Variants in KCNT2 observed in about 807,000 individuals in gnomAD.
The protein encoded by KCNT2 is potassium sodium-activated channel subfamily T member 2.
Under a neutral mutation model 153.8 loss-of-function variants are expected in KCNT2, and 67 were observed. The observed-to-expected ratio is 0.44, with a 90% CI of 0.36 to 0.53. KCNT2 has a LOEUF of 0.53. Among genes scored for constraint, KCNT2 ranks in the 20% least tolerant of loss-of-function variants. The probability of loss-of-function intolerance (pLI) is 0.00; values close to 1 mark genes in which losing one functional copy is unlikely to be tolerated. For synonymous variants in KCNT2, 500 were observed against 458.8 expected, an observed-to-expected ratio of 1.09 and a Z score of -1.15; for missense variants, 975 against 1,354.8, an observed-to-expected ratio of 0.72 and a Z score of 4.40.
chr1:196,236,401 C>T (rs192720692), intron 26 of KCNT2, among the ~76,000 whole-genome samples: 3 of 151,514 alleles, frequency 2.0e-5, no homozygotes, highest in Admixed American at 2.0e-4. Context: ...GATTATTATG[C>T]TTTATCAATT....
intron 8 of KCNT2, among the ~76,000 whole-genome samples, chr1:196,433,964 T>G (rs2148558080): frequency 6.6e-6 from 1 of 152,136 alleles, no homozygotes; most frequent in East Asian, 1.9e-4. Context: ...TATTTGCTTT[T>G]TTCCTTTTTC....
intron 1 of KCNT2, among the ~76,000 whole-genome samples, chr1:196,508,189 C>CAAAAAAAAAAAAAAAAAAAAAAAGA (rs1681305658): frequency 5.0e-5 from 3 of 59,986 alleles, no homozygotes; most frequent in Non-Finnish European, 9.0e-5. Context: ...CCCTAAGTAG[C>CAAAAAAAAAAAAAAAAAAAAAAAGA]AAAAAAAAAA....
intron 19 of KCNT2, among the ~76,000 whole-genome samples, chr1:196,319,885 CAGGAGGCCTTGT>C (rs949190131): frequency 1.3e-5 from 2 of 151,588 alleles, no homozygotes; most frequent in Non-Finnish European, 3.0e-5. Flanking sequence ...TATCCATGCA[CAGGAGGCCTTGT>C]AAAATAAAAA....
chr1:196,561,935 A>G (rs911890473), intron 1 of KCNT2, among the ~76,000 whole-genome samples: 1 of 151,956 alleles, frequency 6.6e-6, no homozygotes, highest in Non-Finnish European at 1.5e-5. Context: ...GAGTTTATCT[A>G]AAGACCTGGA....
At chr1:196,277,047 T>C (rs1658638676) in intron 25 of KCNT2, among the ~76,000 whole-genome samples, 1 of 152,192 alleles carries the variant, frequency 6.6e-6, no homozygotes, top group Admixed American at 6.6e-5. Context: ...TTTCTTCAAT[T>C]TGTATGCATT....
intron 14 of KCNT2, among the ~76,000 whole-genome samples, chr1:196,366,499 C>A (rs1668058575): frequency 6.6e-6 from 1 of 152,100 alleles, no homozygotes; most frequent in Admixed American, 6.6e-5. Flanking sequence ...ATCAGATGTG[C>A]TTGCATCTCA....
Position 196,429,723 on chromosome 1 carries a change from T to C in KCNT2, c.673A>G (p.Lys225Glu). The change falls in exon 9 of 28, where the codon AAG becomes GAG. Residue 225 changes from lysine (K) to glutamate (E), a missense_variant. Coordinates refer to ENST00000294725, the MANE Select transcript of KCNT2 (RefSeq NM_198503.5). ...CGIQHLERIGKKLNLFDSLYF... is the reference protein window; with the variant it reads ...CGIQHLERIGEKLNLFDSLYF... ...AGGGAGTCAAAGAGATTCAGCTTCT[T>C]TCCTATTCGTTCCAGATGTTGGATC... is the stretch of plus-strand genomic sequence containing the variant. The C allele has an allele frequency of 6.2e-7, 1 of 1,607,558 alleles. No homozygotes were observed. The highest frequency in any genetic ancestry group is 8.5e-7 in the Non-Finnish European group (1 of 1,177,716).
At chr1:196,323,898 T>A (rs941817226) in intron 19 of KCNT2, among the ~76,000 whole-genome samples, 9 of 151,774 alleles carry the variant, frequency 5.9e-5, no homozygotes, top group Non-Finnish European at 1.3e-4. Context: ...AGCCTCATTT[T>A]TTTTGTAATA....
chr1:196,284,248 A>AAAAAAAAAAAAATATATATAT, intron 23 of KCNT2, among the ~76,000 whole-genome samples: 1 of 10,040 alleles, frequency 1.0e-4, no homozygotes, highest in Non-Finnish European at 5.3e-4. Flanking sequence ...AAAAAAAAAA[A>AAAAAAAAAAAAATATATATAT]ATATATATAT....
At chr1:196,496,991 ATTAT>A (rs2148750284) in intron 1 of KCNT2, among the ~76,000 whole-genome samples, 1 of 152,352 alleles carries the variant, frequency 6.6e-6, no homozygotes, top group South Asian at 2.1e-4. Flanking sequence ...ATGAAATGGC[ATTAT>A]TTAAGGAACT....
intron 1 of KCNT2, among the ~76,000 whole-genome samples, chr1:196,530,176 A>G (rs896720927): frequency 3.9e-5 from 6 of 152,162 alleles, no homozygotes; most frequent in Non-Finnish European, 8.8e-5. Context: ...ATATGTATAA[A>G]TTCATTAAAA....
intron 22 of KCNT2, among the ~76,000 whole-genome samples, chr1:196,301,341 T>A (rs1661166998): frequency 6.6e-6 from 1 of 152,210 alleles, no homozygotes; most frequent in Non-Finnish European, 1.5e-5. Context: ...GGTGATTCTC[T>A]CGCATGCACA....
rs1662681186 is a variant in KCNT2, at chr1:196,316,040, C to T, written c.2349-14G>A. ...AAGTCATCTAGGCTTTGATAAAAAT[C>T]AACAGAGAAAAACAAACATTAAATA... On this transcript the variant is annotated splice_polypyrimidine_tract_variant and intron_variant, in intron 20 of 27. Coordinates refer to ENST00000294725, the MANE Select transcript of KCNT2 (RefSeq NM_198503.5). 6.2e-7 allele frequency: 1 copy of T among 1,606,952 alleles called. No individual in the cohort carries two copies. The highest frequency in any genetic ancestry group is 8.5e-7 in the Non-Finnish European group (1 of 1,175,530).
intron 14 of KCNT2, among the ~76,000 whole-genome samples, chr1:196,352,712 C>A (rs1666834049): frequency 6.6e-6 from 1 of 152,052 alleles, no homozygotes; most frequent in African/African-American, 2.4e-5. Context: ...TCTGTCAGTT[C>A]TGCTCTGATT....
chr1:196,259,005 G>A (rs1458506376), intron 25 of KCNT2, among the ~76,000 whole-genome samples: 2 of 151,980 alleles, frequency 1.3e-5, no homozygotes, highest in Non-Finnish European at 2.9e-5. Flanking sequence ...TATAATATGT[G>A]AATTTTTAAA....
intron 3 of KCNT2, among the ~76,000 whole-genome samples, chr1:196,489,226 T>G (rs1679671449): frequency 6.6e-6 from 1 of 152,008 alleles, no homozygotes; most frequent in Non-Finnish European, 1.5e-5. Flanking sequence ...CTAAGGAACT[T>G]CTTTTACTCA....
chr1:196,515,200 G>A (rs891414025), intron 1 of KCNT2, among the ~76,000 whole-genome samples: 2 of 152,290 alleles, frequency 1.3e-5, no homozygotes, highest in Non-Finnish European at 2.9e-5. Context: ...AGCAGCCATG[G>A]TTATGGGAAT....
chr1:196,268,942 C>A lies in KCNT2; in HGVS notation c.2911-10448G>T, dbSNP rs555541549. Among the ~76,000 whole-genome samples the A allele has an allele frequency of 3.9e-5, 6 of 152,046 alleles. No individual in the cohort carries two copies. In the South Asian group the frequency reaches 1.2e-3, roughly 32 times the overall value. ...GTAAAAATTCTCCTCAGAACTATAT[C>A]CAGTTTATGTATACAATCATTAGAT... is the stretch of plus-strand genomic sequence containing the variant. On this transcript the variant is annotated intron_variant, in intron 25 of 27. Transcript: ENST00000294725.
intron 13 of KCNT2, among the ~76,000 whole-genome samples, chr1:196,380,156 A>G (rs537368980): frequency 3.9e-5 from 6 of 152,200 alleles, no homozygotes; most frequent in Non-Finnish European, 5.9e-5. Context: ...TGCACAGAAA[A>G]TAGTGTGTAA....
Sources: gnomAD v4.1 joint callset for allele counts (sites outside exome capture counted in the v4.1 genomes callset) on GRCh38, gnomAD v4.1.1 for gene constraint, MANE v1.5 for transcripts, NCBI Gene and HGNC (gene_info 2026-07-23, HGNC 2026-07-21) for gene names.